Variants in OXR1 observed in about 807,000 individuals in gnomAD.
The protein encoded by OXR1 is oxidation resistance protein 1.
OXR1 carries 41 observed loss-of-function variants against 104.6 expected under a neutral mutation model. That is an observed-to-expected ratio of 0.39 (90% CI 0.31 to 0.51). The LOEUF (loss-of-function observed/expected upper bound fraction) is 0.51, where lower values mean the gene tolerates loss of function less well. Ranked by LOEUF, OXR1 falls within the 20% of genes least tolerant of loss-of-function variation. The probability of loss-of-function intolerance (pLI) is 0.77; values close to 1 mark genes in which losing one functional copy is unlikely to be tolerated. For missense variants in OXR1, 955 were observed against 1,031.9 expected, an observed-to-expected ratio of 0.93 and a Z score of 1.02; for synonymous variants, 348 against 348.4, an observed-to-expected ratio of 1.00 and a Z score of 0.01.
intron 3 of OXR1, among the ~76,000 whole-genome samples, chr8:106,536,388 G>A (rs1040428472): frequency 6.6e-6 from 1 of 152,002 alleles, no homozygotes; most frequent in Non-Finnish European, 1.5e-5. Context: ...TGAGTAGCAA[G>A]GCTATGAATT....
chr8:106,389,842 G>A (rs2130439876), intron 2 of OXR1, among the ~76,000 whole-genome samples: 1 of 152,196 alleles, frequency 6.6e-6, no homozygotes, highest in East Asian at 1.9e-4. Context: ...GAGGTGGGTG[G>A]ATCACTTGAG....
At chr8:106,633,379 A>G (rs1484432307) in intron 3 of OXR1, among the ~76,000 whole-genome samples, 1 of 152,194 alleles carries the variant, frequency 6.6e-6, no homozygotes, top group Admixed American at 6.5e-5. Context: ...ACTCTTCAAA[A>G]GTTATTGATT....
chr8:106,692,741 A>G lies in OXR1; in HGVS notation c.539A>G (p.His180Arg), dbSNP rs201292057. The change falls in exon 7 of 17, where the codon CAT becomes CGT. Residue 180 changes from histidine to arginine, a missense_variant. This residue lies in a region of OXR1 where 849 missense variants were observed against 852.9 expected (regional missense o/e 1.00). Coordinates refer to ENST00000517566, the MANE Select transcript of OXR1 (RefSeq NM_001198533.2). ...AAAAAAAAAAAGAATCCTGATGTCC[A>G]TCCAACAGAAGCAACTCCCTCATCT... ...EFDKTTNPDV[H>R]PTEATPSSTF... 1.0e-5 allele frequency: 15 copies of G among 1,482,492 alleles called. No homozygotes were observed. The highest frequency in any genetic ancestry group is 1.3e-5 in the Non-Finnish European group (15 of 1,113,716). 91.8% of individuals were successfully genotyped at this position (1,482,492 alleles called of 1,614,324 possible).
intron 3 of OXR1, among the ~76,000 whole-genome samples, chr8:106,527,221 C>A (rs1418073785): frequency 6.6e-6 from 1 of 152,148 alleles, no homozygotes; most frequent in Non-Finnish European, 1.5e-5. Context: ...CTAGGACTTG[C>A]AAGTTCTCAG....
chr8:106,548,643 A>G (rs1016431201), intron 3 of OXR1, among the ~76,000 whole-genome samples: 6 of 152,222 alleles, frequency 3.9e-5, no homozygotes, highest in African/African-American at 1.4e-4. Flanking sequence ...ATAAATTATA[A>G]GCAGCCAAAG....
At chr8:106,583,556 A>G (rs3110427) in intron 3 of OXR1, among the ~76,000 whole-genome samples, 100,747 of 151,954 alleles carry the variant, frequency 0.66, 34,202 homozygotes, top group African/African-American at 0.81. Flanking sequence ...TGACAGTAAA[A>G]GGATTTTCTA....
chr8:106,673,651 G>C (rs1005289177), intron 3 of OXR1, among the ~76,000 whole-genome samples: 2 of 152,122 alleles, frequency 1.3e-5, no homozygotes, highest in Admixed American at 6.5e-5. Flanking sequence ...AGAGACCTTC[G>C]TGGTTGCCCT....
intron 3 of OXR1, among the ~76,000 whole-genome samples, chr8:106,626,903 G>C (rs1395402116): frequency 6.6e-6 from 1 of 151,554 alleles, no homozygotes; most frequent in Non-Finnish European, 1.5e-5. Flanking sequence ...AAAGCACTAG[G>C]ATATATTTTT....
chr8:106,430,937 G>T (rs1039827488), intron 2 of OXR1, among the ~76,000 whole-genome samples: 3 of 152,134 alleles, frequency 2.0e-5, no homozygotes, highest in Non-Finnish European at 4.4e-5. Flanking sequence ...CCCTTCCCTT[G>T]AATTTGGGCT....
intron 2 of OXR1, among the ~76,000 whole-genome samples, chr8:106,372,147 A>G (rs1291466587): frequency 1.3e-5 from 2 of 152,202 alleles, no homozygotes; most frequent in African/African-American, 4.8e-5. Context: ...GCCTGGTGGC[A>G]TGGGTTCGCA....
chr8:106,647,122 G>T (rs1824150430), intron 3 of OXR1, among the ~76,000 whole-genome samples: 1 of 152,194 alleles, frequency 6.6e-6, no homozygotes, highest in Admixed American at 6.5e-5. Context: ...CGATGCTATT[G>T]CTGAGTCCTT....
chr8:106,280,273 A>G (rs1328164438), intron 1 of OXR1, among the ~76,000 whole-genome samples: 1 of 152,208 alleles, frequency 6.6e-6, no homozygotes, highest in East Asian at 1.9e-4. Flanking sequence ...TCCTAAGGCT[A>G]CATAACAAAC....
At chr8:106,301,062 C>T (rs1503569) in intron 1 of OXR1, among the ~76,000 whole-genome samples, 33,315 of 151,850 alleles carry the variant, frequency 0.22, 5,379 homozygotes, top group African/African-American at 0.46. Flanking sequence ...AGTGATAAAA[C>T]GCACGTCATA....
chr8:106,546,426 T>C (rs1039363258), intron 3 of OXR1, among the ~76,000 whole-genome samples: 6 of 152,220 alleles, frequency 3.9e-5, no homozygotes, highest in African/African-American at 1.4e-4. Flanking sequence ...GGTAAACATA[T>C]ATGTAAACCA....
At chr8:106,270,949 G>A (rs1811775906) in intron 1 of OXR1, among the ~76,000 whole-genome samples, 2 of 152,238 alleles carry the variant, frequency 1.3e-5, no homozygotes, top group East Asian at 1.9e-4. Context: ...AAAAGGCTAG[G>A]GGGCACATCA....
chr8:106,594,178 C>G (rs956733489), intron 3 of OXR1, among the ~76,000 whole-genome samples: 1 of 152,076 alleles, frequency 6.6e-6, no homozygotes, highest in Admixed American at 6.6e-5. Flanking sequence ...TATTCAATTG[C>G]TGAGGCTTTA....
At chr8:106,658,142 C>T in intron 3 of OXR1, 17 of 1,245,922 alleles carry the variant, frequency 1.4e-5, no homozygotes, top group Non-Finnish European at 1.7e-5. Flanking sequence ...GGTGCGGGTC[C>T]CCGCCCCACC....
At chr8:106,741,110 A>G (rs189207806) in intron 14 of OXR1, among the ~76,000 whole-genome samples, 2 of 152,282 alleles carry the variant, frequency 1.3e-5, no homozygotes, top group African/African-American at 4.8e-5. Flanking sequence ...TGTTATCTTT[A>G]TATTAAAGAA....
intron 3 of OXR1, among the ~76,000 whole-genome samples, chr8:106,593,323 T>C (rs1260956245): frequency 6.6e-6 from 1 of 152,194 alleles, no homozygotes; most frequent in Non-Finnish European, 1.5e-5. Flanking sequence ...GCTGCACCCA[T>C]GAAGGGGAGA....
Sources: allele counts gnomAD v4.1 joint callset (sites outside exome capture counted in the v4.1 genomes callset), GRCh38; gene constraint gnomAD v4.1.1; regional missense constraint gnomAD v4.1.1; transcripts MANE v1.5; gene names NCBI Gene and HGNC (gene_info 2026-07-23, HGNC 2026-07-21).